The following CBFA2T3 variants were observed in gnomAD, a reference collection of about 807,000 sequenced individuals.
CBFA2T3 encodes the protein CBFA2/RUNX1 partner transcriptional co-repressor 3.
Under a neutral mutation model 58.6 loss-of-function variants are expected in CBFA2T3, and 31 were observed. That is an observed-to-expected ratio of 0.53 (90% CI 0.40 to 0.71). The LOEUF is 0.71. Among genes scored for constraint, CBFA2T3 ranks in the 30% least tolerant of loss-of-function variants. The probability of loss-of-function intolerance (pLI) is 0.00; values close to 1 mark genes in which losing one functional copy is unlikely to be tolerated. For synonymous variants in CBFA2T3, 531 were observed against 421.9 expected (o/e 1.26, Z -3.17); for missense variants, 1,076 against 963.1 (o/e 1.12, Z -1.55).
intron 3 of CBFA2T3, among the ~76,000 whole-genome samples, chr16:88,897,219 C>A (rs562321165): frequency 6.6e-6 from 1 of 152,222 alleles, no homozygotes; most frequent in African/African-American, 2.4e-5. Flanking sequence ...AGGAGCTGCA[C>A]GCCAGGCGCG....
At chr16:88,971,643 T>C (rs1472642818) in intron 1 of CBFA2T3, among the ~76,000 whole-genome samples, 1 of 152,242 alleles carries the variant, frequency 6.6e-6, no homozygotes, top group Non-Finnish European at 1.5e-5. Context: ...TCTGGCTTTG[T>C]AACAGTCGAC....
chr16:88,973,099 C>T (rs891822206), intron 1 of CBFA2T3, among the ~76,000 whole-genome samples: 4 of 152,208 alleles, frequency 2.6e-5, no homozygotes, highest in South Asian at 2.1e-4. Context: ...GGGCTGAGAC[C>T]GCCCGGCTGC....
chr16:88,922,085 G>A (rs555816075), intron 1 of CBFA2T3, among the ~76,000 whole-genome samples: 3 of 152,340 alleles, frequency 2.0e-5, no homozygotes, highest in Non-Finnish European at 4.4e-5. Flanking sequence ...CAAACGTGTC[G>A]TGGCCAGGAC....
intron 1 of CBFA2T3, among the ~76,000 whole-genome samples, chr16:88,942,888 C>A (rs966575066): frequency 6.6e-6 from 1 of 152,050 alleles, no homozygotes; most frequent in Non-Finnish European, 1.5e-5. Context: ...GTGGCTCAGC[C>A]CAGTCCTTGT....
chr16:88,956,781 G>A (rs906662111), intron 1 of CBFA2T3, among the ~76,000 whole-genome samples: 14 of 152,222 alleles, frequency 9.2e-5, no homozygotes, highest in African/African-American at 3.1e-4. Flanking sequence ...TTTCCTGACC[G>A]AGTTTGGAAC....
At position 88,965,321 on chromosome 16, in the gene CBFA2T3, G is replaced by C. The variant is rs554932978; in HGVS notation, c.151+11336C>G. 4.0e-4 allele frequency among the ~76,000 whole-genome samples: 61 copies of C among 152,370 alleles called. 1 individual carries two copies. The highest frequency in any genetic ancestry group is 1.4e-3 in the African/African-American group (60 of 41,588). Reference sequence around the variant, plus strand: ...ATAAATCAAGTGAGCTAAATGTGCAGATTTTCATAAGACCAGATGCCAAAC... The same window carrying C: ...ATAAATCAAGTGAGCTAAATGTGCACATTTTCATAAGACCAGATGCCAAAC... On this transcript the variant is annotated intron_variant, in intron 1 of 11. Transcript: ENST00000268679.
In CBFA2T3 at chr16:88,877,020, C is replaced by A. The variant is rs544374884; in HGVS notation, c.1918G>T (p.Gly640Cys). The change falls in exon 12 of 12, where the codon GGC (glycine) becomes TGC (cysteine). Residue 640 changes from glycine (G) to cysteine (C), a missense_variant. Transcript: ENST00000268679. ...EAGSAGPSRP[G>C]SPSPPGPLDT... Reference sequence around the variant, plus strand: ...AGTGGGCCAGGTGGGCTGGGGGAGCCGGGGCGAGAAGGCCCCGCAGAGCCG... The same window carrying A: ...AGTGGGCCAGGTGGGCTGGGGGAGCAGGGGCGAGAAGGCCCCGCAGAGCCG... 3 of 1,481,680 alleles carry A rather than the reference C, an allele frequency of 2.0e-6. No individual in the cohort carries two copies. Among genetic ancestry groups the A allele is most frequent in the Non-Finnish European group, 2.7e-6 (3 of 1,120,584 alleles). 91.8% of individuals were successfully genotyped at this position (1,481,680 alleles called of 1,614,324 possible).
rs1450819403 is a variant in CBFA2T3, at chr16:88,976,662, C to T, written c.146G>A (p.Gly49Asp). ...CTTCCCCTCGAGCCTCTTACCTGGG[C>T]CGCCCTTCCTGGGACCCCGGGGTGC... ...CSAPRGPRKG[G>D]PAPVDRKAKA... The change falls in exon 1 of 12, where the codon GGC becomes GAC. Residue 49 changes from glycine (G) to aspartate (D), a missense_variant. Coordinates refer to ENST00000268679, the MANE Select transcript of CBFA2T3 (RefSeq NM_005187.6). 1.9e-6 allele frequency: 3 copies of T among 1,560,696 alleles called. No homozygotes were observed. The highest frequency in any genetic ancestry group is 3.7e-5 in the Admixed American group (2 of 54,022).
intron 7 of CBFA2T3, chr16:88,884,694 G>T (rs1158250083): frequency 4.4e-6 from 1 of 226,912 alleles, no homozygotes; most frequent in East Asian, 9.3e-5. Context: ...TCTGAGAGTT[G>T]GGACTCTCGT....
Position 88,876,965 on chromosome 16 carries a change from G to C in CBFA2T3, c.*11C>G. 2 of 1,424,042 alleles carry C rather than the reference G, an allele frequency of 1.4e-6. No individual in the cohort carries two copies. The highest frequency in any genetic ancestry group is 3.0e-5 in the South Asian group (2 of 66,756). The allele number at this position is 1,424,042 out of a possible 1,614,324, so 88.2% of individuals were successfully genotyped here. On this transcript the variant is annotated 3_prime_UTR_variant, in exon 12 of 12. Transcript: ENST00000268679. ...ACGGTGCTGTGTCCGGCAGGCCAGGGGCCAGTGGGGTCAGCGGGGCACGGT... is the reference window on the plus strand; with the variant it reads ...ACGGTGCTGTGTCCGGCAGGCCAGGCGCCAGTGGGGTCAGCGGGGCACGGT...
At chr16:88,932,373 G>A (rs562445103) in intron 1 of CBFA2T3, among the ~76,000 whole-genome samples, 493 of 152,248 alleles carry the variant, frequency 3.2e-3, no homozygotes, top group African/African-American at 0.011. Flanking sequence ...AGCGGCTCAC[G>A]CCTACAATCC....
intron 1 of CBFA2T3, among the ~76,000 whole-genome samples, chr16:88,970,612 A>G (rs371498937): frequency 3.3e-5 from 5 of 152,352 alleles, no homozygotes; most frequent in African/African-American, 1.2e-4. Flanking sequence ...CTCCGGGGCC[A>G]CAGGGCCTGA....
rs139075633 is a variant in CBFA2T3 at position 88,922,598 on chromosome 16, G to A, written c.152-20942C>T. Among the ~76,000 whole-genome samples the A allele has an allele frequency of 1.1e-4, 16 of 152,352 alleles. No individual in the cohort carries two copies. In the East Asian group the frequency reaches 1.2e-3, roughly 11 times the overall value. On this transcript the variant is annotated intron_variant, in intron 1 of 11. Coordinates refer to ENST00000268679, the MANE Select transcript of CBFA2T3 (RefSeq NM_005187.6). ...CTCTCCTATCCCACGCCAGGGCTAT[G>A]CTTGAGGCCTTCCCGAGGGCGGGGT... is the stretch of plus-strand genomic sequence containing the variant.
intron 1 of CBFA2T3, among the ~76,000 whole-genome samples, chr16:88,963,292 TGGGCGCTCATCTTCTGCCAGGGGC>T (rs1972415708): frequency 6.9e-6 from 1 of 144,252 alleles, no homozygotes; most frequent in Non-Finnish European, 1.5e-5. Context: ...CTGCCAGGGG[TGGGCGCTCATCTTCTGCCAGGGGC>T]GGGCGCTCAT....
Position 88,892,471 on chromosome 16 carries a change from T to TG in CBFA2T3, c.393dup (p.Ser132GlnfsTer135), listed in dbSNP as rs1567585649. 6.2e-7 allele frequency: 1 copy of TG among 1,612,768 alleles called. No homozygotes were observed. Among genetic ancestry groups the TG allele is most frequent in the Non-Finnish European group, 8.5e-7 (1 of 1,180,004 alleles). On this transcript the variant is annotated frameshift_variant, in exon 4 of 12. Coordinates refer to ENST00000268679, the MANE Select transcript of CBFA2T3 (RefSeq NM_005187.6). LOFTEE classifies it high-confidence loss of function. ...CCATTGATGGCTGTTGGTGAGTGGC[T>TG]GCTGCCGTTCATCACTGCAGGAGGG...
chr16:88,892,626 G>T, intron 3 of CBFA2T3, 141 bp from the exon 4 acceptor site: 4 of 1,022,790 alleles, frequency 3.9e-6, no homozygotes, highest in Non-Finnish European at 6.0e-6. Context: ...GGACAGTAGC[G>T]CTGAGGATGA....
chr16:88,975,443 C>T (rs1011121825), intron 1 of CBFA2T3, among the ~76,000 whole-genome samples: 19 of 152,358 alleles, frequency 1.2e-4, no homozygotes, highest in South Asian at 6.2e-4. Flanking sequence ...CCTGCTCTCA[C>T]GCGGGGAGCA....
At chr16:88,881,868 G>C in intron 8 of CBFA2T3, among the ~76,000 whole-genome samples, 1 of 152,240 alleles carries the variant, frequency 6.6e-6, no homozygotes. Flanking sequence ...CTGGCCCCAT[G>C]CCTGGCGACC....
rs563791765 is a variant in CBFA2T3 at position 88,921,571 on chromosome 16, C to T, written c.152-19915G>A. ...CTCCCTCTCTGTCTGCAGCCCCCTG[C>T]TCACTTCTTGGGCCACATTTTGCTG... is the stretch of plus-strand genomic sequence containing the variant. On this transcript the variant is annotated intron_variant, in intron 1 of 11. Coordinates refer to ENST00000268679, the MANE Select transcript of CBFA2T3 (RefSeq NM_005187.6). Among the ~76,000 whole-genome samples, 60 of 149,516 alleles carry T rather than the reference C, an allele frequency of 4.0e-4. 1 individual carries two copies. The South Asian group carries it at 4.9e-3, about 12-fold the overall frequency.
Sources: gnomAD v4.1 joint callset for allele counts (sites outside exome capture counted in the v4.1 genomes callset) on GRCh38, gnomAD v4.1.1 for gene constraint, MANE v1.5 for transcripts, NCBI Gene and HGNC (gene_info 2026-07-23, HGNC 2026-07-21) for gene names.